The following DIP2C variants were observed in gnomAD, a reference collection of about 807,000 sequenced individuals.
DIP2C encodes DIP2 acetate--CoA ligase C (putative).
DIP2C carries 33 observed loss-of-function variants against 192.4 expected under a neutral mutation model. That is an observed-to-expected ratio of 0.17 (90% CI 0.13 to 0.23). The LOEUF (loss-of-function observed/expected upper bound fraction) is 0.23, where lower values mean the gene tolerates loss of function less well. Ranked by LOEUF, DIP2C falls within the 10% of genes least tolerant of loss-of-function variation. The pLI, the probability that DIP2C is intolerant of heterozygous loss-of-function variation, is 1.00. For missense variants in DIP2C, 1,537 were observed against 2,110.1 expected (o/e 0.73, Z 5.32); for synonymous variants, 979 against 864.1 (o/e 1.13, Z -2.33).
At chr10:430,232 A>G (rs1391130747) in intron 4 of DIP2C, 2 of 152,130 alleles carry the variant, frequency 1.3e-5, no homozygotes, top group African/African-American at 4.8e-5. Flanking sequence ...TTACTTATTC[A>G]TTTTTTAAAG....
intron 32 of DIP2C, among the ~76,000 whole-genome samples, chr10:299,129 C>A (rs1955895059): frequency 6.6e-6 from 1 of 152,224 alleles, no homozygotes; most frequent in African/African-American, 2.4e-5. Flanking sequence ...TTGCACTGCC[C>A]ACCCCATCTT....
At position 685,861 on chromosome 10, in the gene DIP2C, T is replaced by C. The variant is rs375307777; in HGVS notation, c.85+3633A>G. On this transcript the variant is annotated intron_variant, in intron 1 of 36. Transcript: ENST00000280886. ...CTGTAATCCCAGCTACTCAAGAAGC[T>C]GAGGCATGAGAACCACTTGAACTCA... Among the ~76,000 whole-genome samples, 27 of 152,220 alleles carry C rather than the reference T, an allele frequency of 1.8e-4. 2 individuals are homozygous for C. Among genetic ancestry groups the C allele is most frequent in the East Asian group, 1.4e-3 (7 of 5,180 alleles).
At chr10:321,202 T>C (rs954672261) in intron 31 of DIP2C, among the ~76,000 whole-genome samples, 1 of 152,236 alleles carries the variant, frequency 6.6e-6, no homozygotes, top group African/African-American at 2.4e-5. Context: ...TTCTAAAAAG[T>C]GCTTGTCCAG....
intron 2 of DIP2C, among the ~76,000 whole-genome samples, chr10:472,875 T>C (rs765235688): frequency 6.6e-6 from 1 of 151,782 alleles, no homozygotes; most frequent in African/African-American, 2.4e-5. Flanking sequence ...GCCCAAGACA[T>C]AGACTCAAGT....
At chr10:598,805 C>CA (rs1486239008) in intron 1 of DIP2C, among the ~76,000 whole-genome samples, 4 of 152,246 alleles carry the variant, frequency 2.6e-5, no homozygotes, top group African/African-American at 9.6e-5. Flanking sequence ...GGCCTGGCCC[C>CA]AGCCCGGAGT....
intron 1 of DIP2C, among the ~76,000 whole-genome samples, chr10:640,377 C>T (rs1440684040): frequency 2.0e-5 from 3 of 152,244 alleles, no homozygotes; most frequent in South Asian, 4.1e-4. Context: ...ACCTTTAGAA[C>T]TCACCTCTCC....
At chr10:408,739 A>G (rs1383195925) in intron 9 of DIP2C, among the ~76,000 whole-genome samples, 187 bp downstream of exon 9, 1 of 152,214 alleles carries the variant, frequency 6.6e-6, no homozygotes, top group Non-Finnish European at 1.5e-5. Flanking sequence ...TCAGGATGTA[A>G]TGTTAGAATG....
At chr10:531,844 G>T (rs1847387873) in intron 1 of DIP2C, among the ~76,000 whole-genome samples, 1 of 152,200 alleles carries the variant, frequency 6.6e-6, no homozygotes, top group Non-Finnish European at 1.5e-5. Flanking sequence ...GCCAATGCAG[G>T]CAACGCTTGC....
intron 1 of DIP2C, among the ~76,000 whole-genome samples, chr10:641,227 C>A (rs1387313084): frequency 2.0e-5 from 3 of 152,274 alleles, no homozygotes; most frequent in Admixed American, 2.0e-4. Context: ...TCTCCGGACC[C>A]CTAGGTGAGT....
intron 35 of DIP2C, 42 bp from the exon 36 acceptor site, chr10:281,365 C>G: frequency 6.4e-7 from 1 of 1,551,502 alleles, no homozygotes. Flanking sequence ...CCCATAATGC[C>G]GCTCAAGCCG....
At chr10:388,502 AGG>A in intron 13 of DIP2C, among the ~76,000 whole-genome samples, 1 of 152,202 alleles carries the variant, frequency 6.6e-6, no homozygotes, top group African/African-American at 2.4e-5. Context: ...AATAGACAGG[AGG>A]CTTTCACAAT....
At chr10:585,642 C>T (rs889663837) in intron 1 of DIP2C, among the ~76,000 whole-genome samples, 1 of 152,152 alleles carries the variant, frequency 6.6e-6, no homozygotes. Flanking sequence ...ACCAGGAACA[C>T]CGGCGTCCTG....
chr10:559,527 A>G (rs545047056), intron 1 of DIP2C, among the ~76,000 whole-genome samples: 1 of 152,272 alleles, frequency 6.6e-6, no homozygotes, highest in East Asian at 1.9e-4. Flanking sequence ...CAACAACTAT[A>G]TATGGCTGCT....
chr10:536,397 ATC>A (rs1329348426), intron 1 of DIP2C, among the ~76,000 whole-genome samples: 2 of 152,160 alleles, frequency 1.3e-5, no homozygotes, highest in African/African-American at 4.8e-5. Context: ...CTAGAGTTGT[ATC>A]TATCTGCAAA....
At chr10:496,721 C>T (rs907816777) in intron 1 of DIP2C, among the ~76,000 whole-genome samples, 9 of 151,154 alleles carry the variant, frequency 6.0e-5, no homozygotes, top group Non-Finnish European at 1.3e-4. Context: ...GTGCTGAGTG[C>T]ATAGAACCCA....
In DIP2C at chr10:362,517, A is replaced by G. The variant is rs1959664246; in HGVS notation, c.2767T>C (p.Leu923=). Residue 923 remains leucine (L), a synonymous_variant, in exon 22 of 37, where the codon TTG becomes CTG. Coordinates refer to ENST00000280886, the MANE Select transcript of DIP2C (RefSeq NM_014974.3). The stretch of plus-strand genomic sequence containing the variant: ...GGCTGCTTCTGTCGAGGCTTAGGCA[A>G]GTTTGTGACGCAGGTGTGGGGGCAC... The part of the protein sequence containing the change: ...LMCPHTCVTN[L]PKPRQKQPEI... 1.2e-5 allele frequency: 19 copies of G among 1,613,790 alleles called. No homozygotes were observed. The highest frequency in any genetic ancestry group is 1.6e-5 in the Non-Finnish European group (19 of 1,179,896).
chr10:458,854 A>C (rs1969520929), intron 3 of DIP2C, among the ~76,000 whole-genome samples: 2 of 152,246 alleles, frequency 1.3e-5, no homozygotes, highest in African/African-American at 4.8e-5. Flanking sequence ...CGGAACCCAG[A>C]ATCACCTGCA....
intron 24 of DIP2C, among the ~76,000 whole-genome samples, chr10:350,739 A>C (rs1409292346): frequency 2.0e-5 from 3 of 150,888 alleles, no homozygotes; most frequent in Non-Finnish European, 2.9e-5. Flanking sequence ...TCCGGATTCA[A>C]GCAATTCTCC....
At chr10:670,171 T>C (rs1190425583) in intron 1 of DIP2C, among the ~76,000 whole-genome samples, 2 of 152,060 alleles carry the variant, frequency 1.3e-5, no homozygotes, top group Non-Finnish European at 2.9e-5. Flanking sequence ...CGCACATGCA[T>C]GAACATGTAC....
Sources: gnomAD v4.1 joint callset for allele counts (sites outside exome capture counted in the v4.1 genomes callset) on GRCh38, gnomAD v4.1.1 for gene constraint, MANE v1.5 for transcripts, NCBI Gene and HGNC (gene_info 2026-07-23, HGNC 2026-07-21) for gene names.